DYRK1A: variants seen among roughly 807,000 people sequenced by gnomAD.
DYRK1A encodes the protein dual specificity tyrosine phosphorylation regulated kinase 1A.
A neutral mutation model predicts 79.7 loss-of-function variants in DYRK1A; 9 were observed. The observed-to-expected ratio is 0.11, with a 90% CI of 0.07 to 0.20. The LOEUF is 0.20. Among genes scored for constraint, DYRK1A ranks in the 10% least tolerant of loss-of-function variants. The pLI is 1.00. For synonymous variants in DYRK1A, 349 were observed against 329.7 expected, an observed-to-expected ratio of 1.06 and a Z score of -0.63; for missense variants, 622 against 956.0, an observed-to-expected ratio of 0.65 and a Z score of 4.61.
rs1162431840 is a variant in DYRK1A, at chr21:37,367,626, C to T, written c.-79C>T. 4 of 145,792 alleles carry T rather than the reference C, an allele frequency of 2.7e-5. No individual in the cohort carries two copies. Among genetic ancestry groups the T allele is most frequent in the African/African-American group, 9.9e-5 (4 of 40,384 alleles). 9.0% of individuals were successfully genotyped at this position (145,792 alleles called of 1,614,324 possible). Reference sequence around the variant, plus strand: ...GCGGCGCGAGCGCCCCGCCATCGTCCCGGTGAGTGTCCGGCCCGGCCGCGG... The same window carrying T: ...GCGGCGCGAGCGCCCCGCCATCGTCTCGGTGAGTGTCCGGCCCGGCCGCGG... On this transcript the variant is annotated splice_region_variant and 5_prime_UTR_variant, in exon 1 of 12. Transcript: ENST00000647188.
At chr21:37,448,636 T>G (rs1350511845) in intron 2 of DYRK1A, among the ~76,000 whole-genome samples, 1 of 152,220 alleles carries the variant, frequency 6.6e-6, no homozygotes, top group Non-Finnish European at 1.5e-5. Flanking sequence ...ATATTTTATT[T>G]AAACTCAAAT....
intron 3 of DYRK1A, among the ~76,000 whole-genome samples, chr21:37,477,484 C>T (rs552076933): frequency 8.5e-5 from 13 of 152,226 alleles, no homozygotes; most frequent in African/African-American, 3.1e-4. Context: ...GGGGTGCATG[C>T]CCCTGCTCTA....
intron 1 of DYRK1A, among the ~76,000 whole-genome samples, chr21:37,417,214 G>A (rs1384036267): frequency 1.3e-5 from 2 of 152,020 alleles, no homozygotes; most frequent in African/African-American, 4.8e-5. Flanking sequence ...TTTGGAGACA[G>A]AGTTTCCCTC....
chr21:37,415,774 T>C (rs182536099), intron 1 of DYRK1A, among the ~76,000 whole-genome samples: 1,549 of 152,200 alleles, frequency 0.01, 15 homozygotes, highest in Non-Finnish European at 0.018. Flanking sequence ...GCCTAAAATG[T>C]TTTTGGTAAA....
intron 5 of DYRK1A, among the ~76,000 whole-genome samples, chr21:37,483,109 G>A (rs2148589962): frequency 6.6e-6 from 1 of 152,300 alleles, no homozygotes; most frequent in African/African-American, 2.4e-5. Flanking sequence ...ATTAAAGACA[G>A]GCATAGGAAA....
intron 2 of DYRK1A, among the ~76,000 whole-genome samples, chr21:37,449,946 T>C (rs2148498693): frequency 6.6e-6 from 1 of 152,220 alleles, no homozygotes; most frequent in Admixed American, 6.5e-5. Context: ...AGCTGGAAAC[T>C]ATGCTGGAAA....
intron 2 of DYRK1A, among the ~76,000 whole-genome samples, chr21:37,436,689 G>T (rs2050934354): frequency 6.6e-6 from 1 of 152,074 alleles, no homozygotes; most frequent in African/African-American, 2.4e-5. Flanking sequence ...CAAGCTAACT[G>T]GACAATCTTA....
chr21:37,404,890 C>G (rs1157841214), intron 1 of DYRK1A, among the ~76,000 whole-genome samples: 2 of 152,114 alleles, frequency 1.3e-5, no homozygotes, highest in Non-Finnish European at 2.9e-5. Flanking sequence ...AGTCAGTTTC[C>G]TATTGAGCAT....
At chr21:37,474,456 T>C (rs1268208642) in intron 3 of DYRK1A, among the ~76,000 whole-genome samples, 1 of 152,210 alleles carries the variant, frequency 6.6e-6, no homozygotes, top group Non-Finnish European at 1.5e-5. Flanking sequence ...CAAAAATTTC[T>C]GGGCCTAATA....
At chr21:37,459,837 T>G (rs77909662) in intron 2 of DYRK1A, among the ~76,000 whole-genome samples, 1 of 152,282 alleles carries the variant, frequency 6.6e-6, no homozygotes, top group African/African-American at 2.4e-5. Flanking sequence ...AATTAAACTT[T>G]GATCAGAAAT....
At chr21:37,458,306 G>GTGTGTGTT (rs1309419092) in intron 2 of DYRK1A, among the ~76,000 whole-genome samples, 2 of 150,678 alleles carry the variant, frequency 1.3e-5, no homozygotes, top group East Asian at 3.9e-4. Flanking sequence ...GTGTGTGTGT[G>GTGTGTGTT]TACATATACA....
chr21:37,384,006 T>C (rs956300302), intron 1 of DYRK1A, among the ~76,000 whole-genome samples: 10 of 152,128 alleles, frequency 6.6e-5, no homozygotes, highest in African/African-American at 1.9e-4. Context: ...TATCAGATAA[T>C]AGGTAGCACA....
intron 1 of DYRK1A, among the ~76,000 whole-genome samples, chr21:37,395,862 T>A (rs896258473): frequency 6.6e-6 from 1 of 152,228 alleles, no homozygotes; most frequent in Non-Finnish European, 1.5e-5. Flanking sequence ...TAGGATAGAC[T>A]CTGTTCTGGG....
At chr21:37,367,711 C>T (rs1286913113) in intron 1 of DYRK1A, 83 bp downstream of exon 1, 6 of 142,552 alleles carry the variant, frequency 4.2e-5, no homozygotes, top group African/African-American at 1.5e-4. Context: ...GAGCCGAGGC[C>T]GGCCGGGCGG....
intron 2 of DYRK1A, among the ~76,000 whole-genome samples, chr21:37,455,493 CTT>C (rs1407044305): frequency 1.3e-5 from 2 of 152,154 alleles, no homozygotes; most frequent in South Asian, 4.1e-4. Flanking sequence ...TAAGTCACCT[CTT>C]TTTTCCAAGT....
intron 2 of DYRK1A, among the ~76,000 whole-genome samples, chr21:37,466,308 T>G (rs2052023215): frequency 6.6e-6 from 1 of 152,194 alleles, no homozygotes; most frequent in Admixed American, 6.5e-5. Context: ...TGGATGAGTT[T>G]AGGGAGTAAT....
intron 2 of DYRK1A, among the ~76,000 whole-genome samples, chr21:37,436,108 G>C (rs978087848): frequency 1.3e-5 from 2 of 152,092 alleles, no homozygotes; most frequent in Admixed American, 6.5e-5. Flanking sequence ...TATCTGGAAG[G>C]GTATAGGGGA....
At chr21:37,390,890 C>T (rs2049858072) in intron 1 of DYRK1A, among the ~76,000 whole-genome samples, 1 of 152,090 alleles carries the variant, frequency 6.6e-6, no homozygotes, top group Non-Finnish European at 1.5e-5. Context: ...TTTCAACTGT[C>T]CTGATTTAGA....
At chr21:37,422,747 T>C (rs981385686) in intron 2 of DYRK1A, among the ~76,000 whole-genome samples, 4 of 152,140 alleles carry the variant, frequency 2.6e-5, no homozygotes, top group African/African-American at 9.7e-5. Flanking sequence ...CAAAACATCA[T>C]GTTTTACACC....
Sources: allele counts gnomAD v4.1 joint callset (sites outside exome capture counted in the v4.1 genomes callset), GRCh38; gene constraint gnomAD v4.1.1; transcripts MANE v1.5; gene names NCBI Gene and HGNC (gene_info 2026-07-23, HGNC 2026-07-21).